Variants in HS3ST4 observed in about 807,000 individuals in gnomAD.
HS3ST4 encodes heparan sulfate glucosamine 3-O-sulfotransferase 4.
HS3ST4 carries 17 observed loss-of-function variants against 29.2 expected under a neutral mutation model. That is an observed-to-expected ratio of 0.58 (90% CI 0.40 to 0.87). The LOEUF (loss-of-function observed/expected upper bound fraction) is 0.87. Among genes scored for constraint, HS3ST4 ranks in the 40% least tolerant of loss-of-function variants. The pLI is 0.00. For missense variants in HS3ST4, 627 were observed against 634.5 expected (o/e 0.99, Z 0.13); for synonymous variants, 314 against 285.7 (o/e 1.10, Z -1.00).
chr16:25,951,832 A>G (rs1380862548), intron 1 of HS3ST4, among the ~76,000 whole-genome samples: 1 of 152,152 alleles, frequency 6.6e-6, no homozygotes, highest in Non-Finnish European at 1.5e-5. Flanking sequence ...CCTGTGAGTC[A>G]CATTTAGTCT....
rs924383339 is a variant in HS3ST4, at chr16:25,698,346, T to C, written c.734+5195T>C. ...AAGATCTGGGTGGAGAGGTCTCCACTTGGAGGGAACAGCCAGTGTCAAAGC... is the reference window on the plus strand; with the variant it reads ...AAGATCTGGGTGGAGAGGTCTCCACCTGGAGGGAACAGCCAGTGTCAAAGC... On this transcript the variant is annotated intron_variant, in intron 1 of 1. Transcript: ENST00000331351. Among the ~76,000 whole-genome samples the C allele has an allele frequency of 1.2e-4, 18 of 151,876 alleles. 1 individual carries two copies. In the South Asian group the frequency reaches 3.5e-3, roughly 30 times the overall value.
chr16:25,902,229 A>G (rs1199316906), intron 1 of HS3ST4, among the ~76,000 whole-genome samples: 2 of 152,190 alleles, frequency 1.3e-5, no homozygotes, highest in Non-Finnish European at 2.9e-5. Flanking sequence ...TATTCAAAAG[A>G]TGAAGCCCGG....
intron 1 of HS3ST4, among the ~76,000 whole-genome samples, chr16:26,073,891 G>A (rs1898629974): frequency 6.6e-6 from 1 of 152,058 alleles, no homozygotes; most frequent in Non-Finnish European, 1.5e-5. Context: ...TACCTCTCGG[G>A]TTACCACAGG....
chr16:25,970,825 T>C (rs1012472156), intron 1 of HS3ST4, among the ~76,000 whole-genome samples: 25 of 152,172 alleles, frequency 1.6e-4, no homozygotes, highest in African/African-American at 5.8e-4. Context: ...AGGGGCACCC[T>C]TTACATGACA....
intron 1 of HS3ST4, among the ~76,000 whole-genome samples, chr16:25,940,057 C>G (rs1968558192): frequency 6.6e-6 from 1 of 152,146 alleles, no homozygotes; most frequent in South Asian, 2.1e-4. Flanking sequence ...ATTCCTCTCC[C>G]AAGCAGACCT....
intron 1 of HS3ST4, among the ~76,000 whole-genome samples, chr16:26,105,712 G>A (rs1402008418): frequency 1.3e-5 from 2 of 152,200 alleles, no homozygotes; most frequent in Non-Finnish European, 2.9e-5. Context: ...AAGCCAGACG[G>A]GCTTTCGCCC....
chr16:25,860,344 T>G (rs1392679063), intron 1 of HS3ST4, among the ~76,000 whole-genome samples: 1 of 152,230 alleles, frequency 6.6e-6, no homozygotes, highest in Non-Finnish European at 1.5e-5. Context: ...GATGCAGCCA[T>G]CATGCTCCTT....
chr16:25,803,361 T>C (rs1966959291), intron 1 of HS3ST4, among the ~76,000 whole-genome samples: 1 of 152,184 alleles, frequency 6.6e-6, no homozygotes, highest in African/African-American at 2.4e-5. Flanking sequence ...AATTCCTCCC[T>C]GTCTCATCAT....
intron 1 of HS3ST4, among the ~76,000 whole-genome samples, chr16:26,015,972 T>C (rs1205816889): frequency 6.6e-6 from 1 of 152,112 alleles, no homozygotes; most frequent in Non-Finnish European, 1.5e-5. Flanking sequence ...ATCTAGTGGA[T>C]GACGTCAGAG....
At chr16:25,843,067 A>C (rs538174768) in intron 1 of HS3ST4, among the ~76,000 whole-genome samples, 2 of 152,360 alleles carry the variant, frequency 1.3e-5, no homozygotes, top group African/African-American at 4.8e-5. Context: ...TCTTCTTGGA[A>C]AATGGATAAC....
At chr16:25,776,984 A>ACAGGATACTTTTTTCCATTG (rs1009184603) in intron 1 of HS3ST4, among the ~76,000 whole-genome samples, 1 of 152,196 alleles carries the variant, frequency 6.6e-6, no homozygotes, top group African/African-American at 2.4e-5. Flanking sequence ...TGCCCTCATT[A>ACAGGATACTTTTTTCCATTG]CAGGATACTT....
intron 1 of HS3ST4, among the ~76,000 whole-genome samples, chr16:25,937,742 G>A (rs1307998041): frequency 1.3e-5 from 2 of 152,198 alleles, no homozygotes; most frequent in East Asian, 3.8e-4. Flanking sequence ...CTGATGTGCT[G>A]TGCAAGTGTT....
chr16:25,692,738 C>T lies in HS3ST4; in HGVS notation c.321C>T (p.Ser107=). The part of the protein sequence containing the change: ...PPAPPPLDNA[S]HGEPPEPPEQ... Reference sequence around the variant, plus strand: ...CGCCGCCGCCGCTGGACAACGCGAGCCACGGGGAGCCGCCCGAGCCCCCAG... The same window carrying T: ...CGCCGCCGCCGCTGGACAACGCGAGTCACGGGGAGCCGCCCGAGCCCCCAG... The change falls in exon 1 of 2, where the codon AGC becomes AGT. Residue 107 remains serine, a synonymous_variant. Coordinates refer to ENST00000331351, the MANE Select transcript of HS3ST4 (RefSeq NM_006040.3). 1 of 1,283,288 alleles carries T rather than the reference C, an allele frequency of 7.8e-7. No homozygotes were observed. Among genetic ancestry groups the T allele is most frequent in the Non-Finnish European group, 9.8e-7 (1 of 1,019,260 alleles). The allele number at this position is 1,283,288 out of a possible 1,614,324, so 79.5% of individuals were successfully genotyped here.
chr16:26,032,391 A>G (rs1969539258), intron 1 of HS3ST4: 1 of 629,456 alleles, frequency 1.6e-6, no homozygotes. Flanking sequence ...CCCAAAAACA[A>G]CAATGAAGTG....
intron 1 of HS3ST4, among the ~76,000 whole-genome samples, chr16:25,743,195 G>A (rs1412667170): frequency 1.3e-5 from 2 of 152,164 alleles, no homozygotes; most frequent in Admixed American, 6.5e-5. Flanking sequence ...TGTGGGCTCC[G>A]AGGACCAGAA....
At chr16:25,768,369 A>G (rs1375909861) in intron 1 of HS3ST4, among the ~76,000 whole-genome samples, 1 of 152,226 alleles carries the variant, frequency 6.6e-6, no homozygotes, top group African/African-American at 2.4e-5. Context: ...CTAGTAGGGC[A>G]TCTGCATTAG....
At chr16:25,949,819 A>G (rs1015678286) in intron 1 of HS3ST4, among the ~76,000 whole-genome samples, 1 of 152,158 alleles carries the variant, frequency 6.6e-6, no homozygotes, top group East Asian at 1.9e-4. Context: ...TTTTCACTAA[A>G]CTGACCAAGC....
intron 1 of HS3ST4, among the ~76,000 whole-genome samples, chr16:25,914,969 A>G (rs1968278009): frequency 1.3e-5 from 2 of 152,146 alleles, no homozygotes; most frequent in Non-Finnish European, 2.9e-5. Context: ...CCTTAGCACC[A>G]TCGACATTTC....
At chr16:26,014,006 C>CAAAATAAATAAA (rs1555478276) in intron 1 of HS3ST4, among the ~76,000 whole-genome samples, 2 of 47,336 alleles carry the variant, frequency 4.2e-5, no homozygotes, top group African/African-American at 2.2e-4. Context: ...AACTCTGTCT[C>CAAAATAAATAAA]AAAATAAATA....
Sources: allele counts gnomAD v4.1 joint callset (sites outside exome capture counted in the v4.1 genomes callset), GRCh38; gene constraint gnomAD v4.1.1; transcripts MANE v1.5; gene names NCBI Gene and HGNC (gene_info 2026-07-23, HGNC 2026-07-21).